Variants in ARHGAP32 observed in about 807,000 individuals in gnomAD.
ARHGAP32 encodes the protein Rho GTPase activating protein 32.
Under a neutral mutation model 186.5 loss-of-function variants are expected in ARHGAP32, and 51 were observed. The ratio of observed to expected loss-of-function variants is 0.27; its 90% confidence interval spans 0.22 to 0.35. ARHGAP32 has a LOEUF of 0.35. Ranked by LOEUF, ARHGAP32 falls within the 10% of genes least tolerant of loss-of-function variation. ARHGAP32 has a pLI of 1.00. For missense variants in ARHGAP32, 2,186 were observed against 2,623.5 expected, an observed-to-expected ratio of 0.83 and a Z score of 3.64; for synonymous variants, 950 against 964.3, an observed-to-expected ratio of 0.99 and a Z score of 0.27.
At chr11:129,268,664 CAAAAAAAAAAAAA>C (rs58858606) in intron 1 of ARHGAP32, among the ~76,000 whole-genome samples, 13 of 46,398 alleles carry the variant, frequency 2.8e-4, no homozygotes, top group South Asian at 3.0e-3. Context: ...GCCTCCTCAC[CAAAAAAAAAAAAA>C]AAAAAAAAAA....
At chr11:129,043,627 A>T (rs1053153365) in intron 10 of ARHGAP32, among the ~76,000 whole-genome samples, 1 of 151,978 alleles carries the variant, frequency 6.6e-6, no homozygotes, top group Non-Finnish European at 1.5e-5. Context: ...ACCTCAGGTG[A>T]TCTACTCACC....
intron 11 of ARHGAP32, among the ~76,000 whole-genome samples, chr11:129,001,288 T>A (rs754679379): frequency 2.0e-5 from 3 of 152,200 alleles, no homozygotes; most frequent in Non-Finnish European, 2.9e-5. Context: ...TGTTACTGCC[T>A]GTCTTTTGGA....
chr11:129,263,741 G>A lies in ARHGAP32; in HGVS notation c.-5+15405C>T, dbSNP rs77874108. Among the ~76,000 whole-genome samples the A allele has an allele frequency of 5.1e-3, 777 of 152,074 alleles. 7 individuals are homozygous for A. The highest frequency in any genetic ancestry group is 0.01 in the Middle Eastern group (3 of 294). On this transcript the variant is annotated intron_variant, in intron 1 of 6. Transcript: ENST00000525234. ...AAAGGAAAGGAGAAAGAAAACAAGC[G>A]TGGCCAAGGATGTGAAGAAACTGGA...
intron 2 of ARHGAP32, among the ~76,000 whole-genome samples, chr11:129,145,479 C>T (rs1373541051): frequency 6.9e-6 from 1 of 144,848 alleles, no homozygotes; most frequent in African/African-American, 2.5e-5. Context: ...CAAGTAAGAC[C>T]TAGAAGAACC....
chr11:128,992,315 G>A (rs1565362181), intron 12 of ARHGAP32, among the ~76,000 whole-genome samples: 1 of 151,848 alleles, frequency 6.6e-6, no homozygotes, highest in Non-Finnish European at 1.5e-5. Context: ...TTGTTTTAGT[G>A]ATCTCAATTC....
At chr11:129,107,381 A>G (rs1942077944) in intron 5 of ARHGAP32, among the ~76,000 whole-genome samples, 2 of 152,226 alleles carry the variant, frequency 1.3e-5, no homozygotes, top group Non-Finnish European at 2.9e-5. Flanking sequence ...ATGAAAATAA[A>G]AAGATCTCCA....
intron 5 of ARHGAP32, among the ~76,000 whole-genome samples, chr11:129,096,054 A>T (rs556169676): frequency 5.3e-5 from 8 of 152,338 alleles, no homozygotes; most frequent in Non-Finnish European, 1.2e-4. Flanking sequence ...TGAAAGAAGA[A>T]GAGATAAGCC....
chr11:128,992,415 T>C (rs1385399550), intron 12 of ARHGAP32, among the ~76,000 whole-genome samples: 1 of 150,144 alleles, frequency 6.7e-6, no homozygotes, highest in Non-Finnish European at 1.5e-5. Context: ...GAAAAAGAAA[T>C]TAACGTCACA....
intron 1 of ARHGAP32, among the ~76,000 whole-genome samples, chr11:129,188,489 G>A (rs1016596654): frequency 6.6e-6 from 1 of 152,122 alleles, no homozygotes; most frequent in Non-Finnish European, 1.5e-5. Context: ...CCTAGAAGAT[G>A]TACAATACCA....
chr11:129,119,037 A>G (rs1052754893), intron 5 of ARHGAP32, among the ~76,000 whole-genome samples: 3 of 152,052 alleles, frequency 2.0e-5, no homozygotes, highest in African/African-American at 7.2e-5. Context: ...GTAGACTAAA[A>G]TAAGAATATG....
chr11:129,237,987 G>A (rs1293028227), intron 1 of ARHGAP32, among the ~76,000 whole-genome samples: 3 of 152,134 alleles, frequency 2.0e-5, no homozygotes, highest in Non-Finnish European at 2.9e-5. Flanking sequence ...AACTGAAGAC[G>A]CATTTTGATG....
chr11:129,043,929 T>G (rs949550465), intron 10 of ARHGAP32, among the ~76,000 whole-genome samples: 3 of 152,156 alleles, frequency 2.0e-5, no homozygotes, highest in African/African-American at 7.2e-5. Context: ...AACATATCAG[T>G]TTTTTTAACT....
rs1467540981 is a variant in ARHGAP32 at position 129,244,969 on chromosome 11, G to C, written c.-5+34177C>G. ...AAACAACAGGTGCTGGAGAGGATGT[G>C]GACAAATAGGAACACTTTTACACTG... On this transcript the variant is annotated intron_variant, in intron 1 of 6. Coordinates refer to the ARHGAP32 transcript ENST00000525234. Among the ~76,000 whole-genome samples, 4 of 151,856 alleles carry C rather than the reference G, an allele frequency of 2.6e-5. No individual in the cohort carries two copies. In the East Asian group the frequency reaches 7.7e-4, roughly 29 times the overall value.
intron 2 of ARHGAP32, among the ~76,000 whole-genome samples, chr11:129,154,968 A>G (rs979964852): frequency 1.6e-4 from 25 of 152,228 alleles, no homozygotes; most frequent in Admixed American, 1.4e-3. Context: ...ATAGCCCTTG[A>G]GCTAAAAGTA....
At chr11:129,261,522 C>T (rs977100928) in intron 1 of ARHGAP32, among the ~76,000 whole-genome samples, 3 of 152,090 alleles carry the variant, frequency 2.0e-5, no homozygotes, top group African/African-American at 4.8e-5. Context: ...GGAATAGGTC[C>T]GGTTACATTA....
At chr11:129,021,036 G>C (rs1369039926) in intron 11 of ARHGAP32, among the ~76,000 whole-genome samples, 2 of 151,962 alleles carry the variant, frequency 1.3e-5, no homozygotes, top group African/African-American at 4.8e-5. Context: ...AAGTATCTCA[G>C]AAATTCATAT....
chr11:129,150,133 T>G (rs925045132), intron 2 of ARHGAP32, among the ~76,000 whole-genome samples: 2 of 138,350 alleles, frequency 1.4e-5, no homozygotes, highest in Non-Finnish European at 3.2e-5. Flanking sequence ...AAAAAAAGAA[T>G]AAAAAAATGA....
chr11:128,984,386 G>C (rs1307129371), intron 15 of ARHGAP32, among the ~76,000 whole-genome samples: 4 of 150,718 alleles, frequency 2.7e-5, no homozygotes, highest in Non-Finnish European at 5.9e-5. Flanking sequence ...AAAAAAAAAA[G>C]GAAATAGAAA....
chr11:129,109,162 C>T (rs1236450232), intron 5 of ARHGAP32, among the ~76,000 whole-genome samples: 2 of 152,128 alleles, frequency 1.3e-5, no homozygotes, highest in Non-Finnish European at 2.9e-5. Flanking sequence ...ATTTGTCTTT[C>T]TGTGGCTAGA....
Sources: allele counts gnomAD v4.1 joint callset (sites outside exome capture counted in the v4.1 genomes callset), GRCh38; gene constraint gnomAD v4.1.1; transcripts MANE v1.5; gene names NCBI Gene and HGNC (gene_info 2026-07-23, HGNC 2026-07-21).